Variants in CTBP2 observed in about 807,000 individuals in gnomAD.
CTBP2 encodes C-terminal-binding protein 2.
Under a neutral mutation model 80.3 loss-of-function variants are expected in CTBP2, and 30 were observed. The observed-to-expected ratio is 0.37, with a 90% confidence interval of 0.28 to 0.51. The LOEUF (loss-of-function observed/expected upper bound fraction) is 0.51, where lower values mean the gene tolerates loss of function less well. Among genes scored for constraint, CTBP2 ranks in the 20% least tolerant of loss-of-function variants. CTBP2 has a pLI of 0.93. For synonymous variants in CTBP2, 594 were observed against 587.4 expected, an observed-to-expected ratio of 1.01 and a Z score of -0.16; for missense variants, 1,212 against 1,375.3, an observed-to-expected ratio of 0.88 and a Z score of 1.88.
intron 3 of CTBP2, among the ~76,000 whole-genome samples, chr10:125,035,929 G>A (rs1048535657): frequency 1.4e-4 from 21 of 152,122 alleles, no homozygotes; most frequent in African/African-American, 5.1e-4. Context: ...TTCTTACATG[G>A]TATTATAGGA....
rs1952004416 is a variant in CTBP2 at position 124,985,127 on chromosome 10, G to C, written c.*4391C>G. 1 of 669,130 alleles carries C rather than the reference G, an allele frequency of 1.5e-6. No homozygotes were observed. The highest frequency in any genetic ancestry group is 2.6e-6 in the Non-Finnish European group (1 of 389,608). The allele number at this position is 669,130 out of a possible 1,614,324, so 41.4% of individuals were successfully genotyped here. On this transcript the variant is annotated 3_prime_UTR_variant, in exon 9 of 9. Coordinates refer to ENST00000309035, the MANE Select transcript of CTBP2 (RefSeq NM_022802.3). ...GATCTGCTCGGGGAAGTGTTTTCCTGGACCACACACACCTTATGGAGATAA... is the reference window on the plus strand; with the variant it reads ...GATCTGCTCGGGGAAGTGTTTTCCTCGACCACACACACCTTATGGAGATAA...
At chr10:125,131,370 C>A (rs1856154054) in intron 1 of CTBP2, among the ~76,000 whole-genome samples, 1 of 152,246 alleles carries the variant, frequency 6.6e-6, no homozygotes, top group Admixed American at 6.5e-5. Flanking sequence ...CTAGCCGAAC[C>A]CAAAGTGTTT....
chr10:125,152,163 C>T lies in CTBP2; in HGVS notation c.-206+8156G>A, dbSNP rs1158539653. Among the ~76,000 whole-genome samples the T allele has an allele frequency of 2.0e-5, 3 of 152,162 alleles. No individual in the cohort carries two copies. The East Asian group carries it at 5.8e-4, about 30-fold the overall frequency. On this transcript the variant is annotated intron_variant, in intron 1 of 10. Transcript: ENST00000337195. Reference sequence around the variant, plus strand: ...GGGGCGGGGCCTCCAGGTCCACCCGCCGGGAGGAGAGGGGCGAACCCCAGG... The same window carrying T: ...GGGGCGGGGCCTCCAGGTCCACCCGTCGGGAGGAGAGGGGCGAACCCCAGG...
chr10:125,070,521 C>T (rs570873884), intron 2 of CTBP2, among the ~76,000 whole-genome samples: 2 of 151,482 alleles, frequency 1.3e-5, no homozygotes, highest in South Asian at 2.1e-4. Flanking sequence ...GGGGCCACTA[C>T]ATTCCAGCCT....
rs1564992208 is a variant in CTBP2 at position 125,130,038 on chromosome 10, TC to T, written c.-205-18946del. Among the ~76,000 whole-genome samples, 6 of 70,888 alleles carry T rather than the reference TC, an allele frequency of 8.5e-5. No individual in the cohort carries two copies. In the East Asian group the frequency reaches 2.6e-3, roughly 31 times the overall value. The allele number at this position is 70,888 out of a possible 152,430, so 46.5% of individuals were successfully genotyped here. On this transcript the variant is annotated intron_variant, in intron 1 of 10. Coordinates refer to the CTBP2 transcript ENST00000337195. ...CCCCAGGTATAGCCCACAGGATTTC[TC>T]TCTTTTTTTTTTTTTTTCTTCTTTT...
intron 2 of CTBP2, among the ~76,000 whole-genome samples, chr10:125,059,167 AAGG>A (rs780553330): frequency 8.2e-4 from 125 of 152,262 alleles, no homozygotes; most frequent in Non-Finnish European, 1.4e-3. Context: ...TTTAAGTAAA[AAGG>A]AGACACAAGC....
intron 2 of CTBP2, among the ~76,000 whole-genome samples, chr10:125,110,726 A>C (rs1852166717): frequency 6.6e-6 from 1 of 152,226 alleles, no homozygotes; most frequent in Non-Finnish European, 1.5e-5. Context: ...CCGTTGACTT[A>C]TCTCTATAGC....
chr10:125,134,802 CCTTT>C (rs1266982539), intron 1 of CTBP2, among the ~76,000 whole-genome samples: 6 of 35,336 alleles, frequency 1.7e-4, no homozygotes, highest in Non-Finnish European at 4.2e-4. Context: ...CTTCCCCCAG[CCTTT>C]CCCTCCCAGC....
intron 1 of CTBP2, among the ~76,000 whole-genome samples, chr10:125,159,645 G>A (rs1366189066): frequency 1.3e-5 from 2 of 150,236 alleles, no homozygotes; most frequent in African/African-American, 2.4e-5. Context: ...GCCGGCAGGG[G>A]CAGCGCCCCT....
chr10:125,126,385 G>C (rs1416700843), intron 1 of CTBP2, among the ~76,000 whole-genome samples: 1 of 152,170 alleles, frequency 6.6e-6, no homozygotes, highest in African/African-American at 2.4e-5. Context: ...AAGAGTTAAG[G>C]GGCTTCTCTC....
At chr10:125,000,774 G>C (rs1954358903) in intron 3 of CTBP2, 1 of 152,308 alleles carries the variant, frequency 6.6e-6, no homozygotes, top group Non-Finnish European at 1.5e-5. Context: ...CTTTCATCAG[G>C]AGAGGGCCTG....
At chr10:125,019,353 G>GT (rs1565113112) in intron 1 of CTBP2, among the ~76,000 whole-genome samples, 1 of 151,972 alleles carries the variant, frequency 6.6e-6, no homozygotes, top group East Asian at 1.9e-4. Context: ...CCTCTCCCAC[G>GT]TATGAGCAAG....
intron 2 of CTBP2, among the ~76,000 whole-genome samples, chr10:125,089,286 T>C (rs1480079140): frequency 6.6e-6 from 1 of 152,232 alleles, no homozygotes; most frequent in Admixed American, 6.5e-5. Flanking sequence ...TTTCAACATC[T>C]GGAGATTCTA....
At chr10:125,042,235 C>T (rs1173571632) in intron 2 of CTBP2, among the ~76,000 whole-genome samples, 4 of 152,204 alleles carry the variant, frequency 2.6e-5, no homozygotes, top group African/African-American at 9.7e-5. Flanking sequence ...TTTACGAGGA[C>T]TTAATTAACA....
At chr10:124,996,300 AC>A (rs1219192799) in intron 4 of CTBP2, 6 of 151,010 alleles carry the variant, frequency 4.0e-5, no homozygotes, top group Admixed American at 4.0e-4. Flanking sequence ...TCTTGGCGGC[AC>A]CGTCCCACCC....
At chr10:125,130,807 G>A (rs1265932511) in intron 1 of CTBP2, among the ~76,000 whole-genome samples, 1 of 152,150 alleles carries the variant, frequency 6.6e-6, no homozygotes, top group Non-Finnish European at 1.5e-5. Flanking sequence ...AGGTTGCCTT[G>A]ATCTGAACAG....
chr10:125,026,950 G>C lies in CTBP2; in HGVS notation c.810C>G (p.Tyr270Ter). 6.2e-7 allele frequency: 1 copy of C among 1,614,066 alleles called. No individual in the cohort carries two copies. Among genetic ancestry groups the C allele is most frequent in the South Asian group, 1.1e-5 (1 of 91,086 alleles). ...TGGACAGGTCAGCTTCGTAAGTCTC[G>C]TAAGCCATCTTGGATGGGATGCTTT... Residue 270 changes from tyrosine (Y) to a stop codon, truncating the protein, a stop_gained, in exon 1 of 9, where the codon TAC (tyrosine) becomes TAG (stop). Coordinates refer to ENST00000309035, the MANE Select transcript of CTBP2 (RefSeq NM_022802.3). LOFTEE classifies it high-confidence loss of function.
intron 1 of CTBP2, among the ~76,000 whole-genome samples, chr10:125,114,047 A>G (rs1013424656): frequency 6.6e-5 from 10 of 152,248 alleles, no homozygotes; most frequent in African/African-American, 2.4e-4. Context: ...ACTTGCTGAC[A>G]GTGCGGCGTG....
chr10:125,069,180 G>A (rs1279087921), intron 2 of CTBP2, among the ~76,000 whole-genome samples: 1 of 152,114 alleles, frequency 6.6e-6, no homozygotes, highest in Non-Finnish European at 1.5e-5. Flanking sequence ...ATAGCTGCCT[G>A]CCAGCCAGCT....
Sources: gnomAD v4.1 joint callset for allele counts (sites outside exome capture counted in the v4.1 genomes callset) on GRCh38, gnomAD v4.1.1 for gene constraint, MANE v1.5 for transcripts, NCBI Gene and HGNC (gene_info 2026-07-23, HGNC 2026-07-21) for gene names.